The following MAN2B2 variants were observed in gnomAD, a reference collection of about 807,000 sequenced individuals.
MAN2B2 encodes the protein epididymis-specific alpha-mannosidase.
MAN2B2 carries 106 observed loss-of-function variants against 117.1 expected under a neutral mutation model. The ratio of observed to expected loss-of-function variants is 0.90; its 90% confidence interval spans 0.77 to 1.06. The LOEUF is 1.06. Ranked by LOEUF, MAN2B2 falls within the 50% of genes least tolerant of loss-of-function variation. The pLI, the probability that MAN2B2 is intolerant of heterozygous loss-of-function variation, is 0.00. For missense variants in MAN2B2, 1,326 were observed against 1,381.4 expected, an observed-to-expected ratio of 0.96 and a Z score of 0.64; for synonymous variants, 544 against 595.1, an observed-to-expected ratio of 0.91 and a Z score of 1.25.
intron 11 of MAN2B2, among the ~76,000 whole-genome samples, chr4:6,606,866 G>A (rs1418939368): frequency 2.0e-5 from 3 of 152,220 alleles, no homozygotes; most frequent in Admixed American, 2.0e-4. Context: ...AGCCAAGGGT[G>A]CAGACACCAA....
At chr4:6,611,906 C>G (rs924359305) in intron 15 of MAN2B2, among the ~76,000 whole-genome samples, 5 of 152,216 alleles carry the variant, frequency 3.3e-5, no homozygotes, top group Admixed American at 2.0e-4. Flanking sequence ...CTCCACTGAG[C>G]TTCTGTAGAT....
rs1726328260 is a variant in MAN2B2 at position 6,579,395 on chromosome 4, T to TCACCATCAC, written c.391+902_391+903insTCACCACCA. Among the ~76,000 whole-genome samples, 4 of 39,154 alleles carry TCACCATCAC rather than the reference T, an allele frequency of 1.0e-4. No homozygotes were observed. In the Admixed American group the frequency reaches 1.1e-3, roughly 11 times the overall value. 25.7% of individuals were successfully genotyped at this position (39,154 alleles called of 152,430 possible). ...CCACCACCACCACTACCCTTCACCA[T>TCACCATCAC]CACCACCACCACCATCACCATCACC... is the stretch of plus-strand genomic sequence containing the variant. On this transcript the variant is annotated intron_variant, in intron 3 of 18. Coordinates refer to ENST00000285599, the MANE Select transcript of MAN2B2 (RefSeq NM_015274.3).
At position 6,575,286 on chromosome 4, in the gene MAN2B2, C is replaced by G. The variant is rs1191795276; in HGVS notation, c.76C>G (p.Pro26Ala). 6 of 1,566,120 alleles carry G rather than the reference C, an allele frequency of 3.8e-6. No homozygotes were observed. The African/African-American group carries it at 8.1e-5, about 21-fold the overall frequency. Residue 26 changes from proline to alanine, a missense_variant, in exon 1 of 19, where the codon CCC becomes GCC. Coordinates refer to ENST00000285599, the MANE Select transcript of MAN2B2 (RefSeq NM_015274.3). Reference sequence around the variant, plus strand: ...ACCGCCAGGGGTCCAGTCCGCCGGCCCCATCCGGGCCTTCGTGGTGCCCCA... The same window carrying G: ...ACCGCCAGGGGTCCAGTCCGCCGGCGCCATCCGGGCCTTCGTGGTGCCCCA... The part of the protein sequence containing the change: ...LRPPGVQSAG[P>A]IRAFVVPHSH...
intron 1 of MAN2B2, 31 bp from the exon 2 acceptor site, chr4:6,576,547 C>T (rs371877677): frequency 5.4e-5 from 86 of 1,588,734 alleles, no homozygotes; most frequent in Non-Finnish European, 6.6e-5. Flanking sequence ...CTTGTTGGAC[C>T]GGGGCTGGCA....
chr4:6,609,533 T>C (rs988141659), intron 12 of MAN2B2: 6 of 625,544 alleles, frequency 9.6e-6, no homozygotes, highest in East Asian at 2.8e-5. Context: ...CCACAGACCC[T>C]GGGGCCCACA....
At chr4:6,585,183 C>T (rs1384001616) in intron 3 of MAN2B2, among the ~76,000 whole-genome samples, 1 of 152,196 alleles carries the variant, frequency 6.6e-6, no homozygotes, top group Non-Finnish European at 1.5e-5. Context: ...CTCCTCACCT[C>T]CCACAGTCAT....
intron 10 of MAN2B2, among the ~76,000 whole-genome samples, chr4:6,604,186 CAG>C (rs1227936535): frequency 6.6e-6 from 1 of 152,134 alleles, no homozygotes; most frequent in Non-Finnish European, 1.5e-5. Context: ...GGCCAGAGGA[CAG>C]AGTAAGGTCA....
intron 7 of MAN2B2, among the ~76,000 whole-genome samples, chr4:6,596,796 T>C (rs1727108042): frequency 6.6e-6 from 1 of 152,170 alleles, no homozygotes; most frequent in South Asian, 2.1e-4. Context: ...AGCTGTTCTG[T>C]GTTTCCTAGG....
At position 6,621,297 on chromosome 4, in the gene MAN2B2, A is replaced by G. The variant is rs774676374; in HGVS notation, c.*12A>G. 6 of 1,608,366 alleles carry G rather than the reference A, an allele frequency of 3.7e-6. No homozygotes were observed. The highest frequency in any genetic ancestry group is 4.3e-6 in the Non-Finnish European group (5 of 1,174,986). ...TTCAACAGCAGTGAGCCCTGGGCAG[A>G]TGCCCCGGCCCCAGGGCTTCCCCCA... On this transcript the variant is annotated 3_prime_UTR_variant, in exon 19 of 19. Coordinates refer to ENST00000285599, the MANE Select transcript of MAN2B2 (RefSeq NM_015274.3).
intron 2 of MAN2B2, among the ~76,000 whole-genome samples, chr4:6,577,924 T>C (rs1324885720): frequency 1.3e-5 from 2 of 152,198 alleles, no homozygotes; most frequent in East Asian, 3.9e-4. Context: ...ATGATCTACA[T>C]ATAGTGCACC....
intron 10 of MAN2B2, among the ~76,000 whole-genome samples, chr4:6,602,530 C>G (rs528642370): frequency 1.3e-5 from 2 of 152,184 alleles, no homozygotes; most frequent in African/African-American, 4.8e-5. Context: ...ACTTGGAATC[C>G]GGACGTCAGC....
chr4:6,614,071 C>G (rs2108757865), intron 15 of MAN2B2, 147 bp from the exon 16 acceptor site: 1 of 964,498 alleles, frequency 1.0e-6, no homozygotes, highest in South Asian at 1.7e-5. Context: ...AGCACAAACA[C>G]TTTGGGCTGG....
At chr4:6,577,268 T>TC (rs1726101376) in intron 2 of MAN2B2, among the ~76,000 whole-genome samples, 1 of 152,170 alleles carries the variant, frequency 6.6e-6, no homozygotes, top group Non-Finnish European at 1.5e-5. Context: ...AGCCACAGAT[T>TC]CCACTTCTAT....
chr4:6,616,366 G>A (rs2108759674), intron 16 of MAN2B2, among the ~76,000 whole-genome samples: 1 of 152,188 alleles, frequency 6.6e-6, no homozygotes. Flanking sequence ...TACATCATGT[G>A]GCAAATGACA....
intron 5 of MAN2B2, among the ~76,000 whole-genome samples, chr4:6,592,010 T>C (rs552968522): frequency 6.6e-6 from 1 of 152,246 alleles, no homozygotes; most frequent in South Asian, 2.1e-4. Context: ...GCAGACGTGG[T>C]GGAGCCAGCG....
intron 10 of MAN2B2, among the ~76,000 whole-genome samples, chr4:6,602,103 T>G (rs1201403866): frequency 6.6e-6 from 1 of 152,054 alleles, no homozygotes; most frequent in East Asian, 1.9e-4. Flanking sequence ...AGTCCCCCAG[T>G]GAGGAAGAGG....
intron 9 of MAN2B2, among the ~76,000 whole-genome samples, chr4:6,599,794 CTCTG>C (rs1232252473): frequency 6.6e-6 from 1 of 152,242 alleles, no homozygotes; most frequent in Non-Finnish European, 1.5e-5. Context: ...CCCCTCCCAT[CTCTG>C]TCTGTGTGTA....
intron 10 of MAN2B2, among the ~76,000 whole-genome samples, chr4:6,602,887 G>C (rs1345590092): frequency 6.6e-6 from 1 of 151,956 alleles, no homozygotes; most frequent in Non-Finnish European, 1.5e-5. Context: ...TGTTGCCCAG[G>C]CTGGTCTCAA....
chr4:6,577,655 C>T (rs1326865553), intron 2 of MAN2B2, among the ~76,000 whole-genome samples: 1 of 152,238 alleles, frequency 6.6e-6, no homozygotes, highest in African/African-American at 2.4e-5. Context: ...CCAGGCATGC[C>T]TGACTCGAGG....
Sources: allele counts gnomAD v4.1 joint callset (sites outside exome capture counted in the v4.1 genomes callset), GRCh38; gene constraint gnomAD v4.1.1; transcripts MANE v1.5; gene names NCBI Gene and HGNC (gene_info 2026-07-23, HGNC 2026-07-21).